Variants in GRIK4 observed in about 807,000 individuals in gnomAD.
GRIK4 encodes glutamate receptor ionotropic, kainate 4.
In GRIK4, 40 loss-of-function variants were observed where a neutral mutation model predicts 104.9. The ratio of observed to expected loss-of-function variants is 0.38; its 90% CI spans 0.30 to 0.50. GRIK4 has a LOEUF of 0.50. Ranked by LOEUF, GRIK4 falls within the 20% of genes least tolerant of loss-of-function variation. The pLI is 0.93. For synonymous variants in GRIK4, 485 were observed against 524.9 expected (o/e 0.92, Z 1.04); for missense variants, 1,047 against 1,308.1 (o/e 0.80, Z 3.08).
In GRIK4 at chr11:120,722,765, C is replaced by T. The variant is rs189162450; in HGVS notation, c.82+62365C>T. On this transcript the variant is annotated intron_variant, in intron 3 of 20. Transcript: ENST00000527524. ...CCCTGGCTACACGTTGCTCTTCCTT[C>T]ATTTGCATGTATACCAAGTGTCCTC... is the stretch of plus-strand genomic sequence containing the variant. Among the ~76,000 whole-genome samples the T allele has an allele frequency of 3.2e-3, 494 of 152,350 alleles. 4 individuals carry two copies. Among genetic ancestry groups the T allele is most frequent in the African/African-American group, 0.011 (450 of 41,590 alleles).
intron 3 of GRIK4, among the ~76,000 whole-genome samples, chr11:120,732,323 CG>C (rs1565320308): frequency 6.6e-6 from 1 of 151,996 alleles, no homozygotes; most frequent in African/African-American, 2.4e-5. Context: ...TTAGTAGAGA[CG>C]GGGTTTCACC....
At chr11:120,904,236 C>T (rs1357989177) in intron 12 of GRIK4, among the ~76,000 whole-genome samples, 4 of 152,158 alleles carry the variant, frequency 2.6e-5, no homozygotes, top group Non-Finnish European at 5.9e-5. Flanking sequence ...GTCACTTCTG[C>T]CTGCGTAGCC....
rs775595747 is a variant in GRIK4, at chr11:120,602,694, G to A, written c.-158-50991G>A. On this transcript the variant is annotated intron_variant, in intron 1 of 20. Coordinates refer to ENST00000527524, the MANE Select transcript of GRIK4 (RefSeq NM_014619.5). ...GCCTTAGTTTTCTGGCTGCATTTTC[G>A]TTAGTATCTTCTTCTTATTAGCATT... 5.9e-5 allele frequency among the ~76,000 whole-genome samples: 9 copies of A among 152,218 alleles called. No homozygotes were observed. In the South Asian group the frequency reaches 8.3e-4, roughly 14 times the overall value.
rs1436298197 is a variant in GRIK4 at position 120,961,040 on chromosome 11, C to T, written c.2006C>T (p.Thr669Ile). ...GACCAGACCGCCATTGAATATGGCACAATTCACGGAGGCTCCAGCATGACC... is the reference window on the plus strand; with the variant it reads ...GACCAGACCGCCATTGAATATGGCATAATTCACGGAGGCTCCAGCATGACC... Reference protein sequence around the residue: ...LADQTAIEYGTIHGGSSMTFF... With the variant: ...LADQTAIEYGIIHGGSSMTFF... Residue 669 changes from threonine (T) to isoleucine (I), a missense_variant, in exon 17 of 21, where the codon ACA (threonine) becomes ATA (isoleucine). Physicochemically the swap from Thr to Ile is moderately conservative, Grantham distance 89. Coordinates refer to ENST00000527524, the MANE Select transcript of GRIK4 (RefSeq NM_014619.5). 6.2e-7 allele frequency: 1 copy of T among 1,614,128 alleles called. No homozygotes were observed. Among genetic ancestry groups the T allele is most frequent in the Non-Finnish European group, 8.5e-7 (1 of 1,179,982 alleles).
chr11:120,739,964 C>T (rs1951298176), intron 3 of GRIK4, among the ~76,000 whole-genome samples: 1 of 152,172 alleles, frequency 6.6e-6, no homozygotes, highest in Admixed American at 6.5e-5. Context: ...AGCCAGCTGA[C>T]CTCACATGCC....
rs114316128 is a variant in GRIK4 at position 120,531,209 on chromosome 11, T to C, written c.-159+19322T>C. On this transcript the variant is annotated intron_variant, in intron 1 of 20. Coordinates refer to ENST00000527524, the MANE Select transcript of GRIK4 (RefSeq NM_014619.5). ...TGGATTTGCGATTCTTATGTGTAAA[T>C]GCTACCCTACAACCTCTTTCATAAT... Among the ~76,000 whole-genome samples the C allele has an allele frequency of 4.8e-3, 731 of 152,378 alleles. 6 individuals carry two copies. The highest frequency in any genetic ancestry group is 0.016 in the African/African-American group (664 of 41,588).
At position 120,639,929 on chromosome 11, in the gene GRIK4, G is replaced by A. The variant is rs562279965; in HGVS notation, c.-158-13756G>A. ...GCTGCTGTGGAGCCATCTTTGACCCGGATCCTATTCCCCCAGGGCAGCACC... is the reference window on the plus strand; with the variant it reads ...GCTGCTGTGGAGCCATCTTTGACCCAGATCCTATTCCCCCAGGGCAGCACC... On this transcript the variant is annotated intron_variant, in intron 1 of 20. Coordinates refer to ENST00000527524, the MANE Select transcript of GRIK4 (RefSeq NM_014619.5). Among the ~76,000 whole-genome samples, 23 of 152,140 alleles carry A rather than the reference G, an allele frequency of 1.5e-4. No homozygotes were observed. The South Asian group carries it at 2.1e-3, about 14-fold the overall frequency.
intron 1 of GRIK4, among the ~76,000 whole-genome samples, chr11:120,597,087 G>C (rs1948812281): frequency 6.6e-6 from 1 of 152,220 alleles, no homozygotes. Context: ...AGCACTGGGG[G>C]CCTCAGGACC....
At chr11:120,620,043 C>T (rs1331811575) in intron 1 of GRIK4, 20 of 622,808 alleles carry the variant, frequency 3.2e-5, no homozygotes, top group South Asian at 1.4e-4. Context: ...GTGTAAAATA[C>T]GTGCATACTT....
At chr11:120,564,066 G>T (rs573407428) in intron 1 of GRIK4, among the ~76,000 whole-genome samples, 2 of 152,346 alleles carry the variant, frequency 1.3e-5, no homozygotes, top group East Asian at 1.9e-4. Flanking sequence ...AAGTTGGGGT[G>T]GGGGAGGCAA....
intron 1 of GRIK4, among the ~76,000 whole-genome samples, chr11:120,557,496 A>C (rs1046215352): frequency 6.6e-6 from 1 of 152,140 alleles, no homozygotes; most frequent in African/African-American, 2.4e-5. Context: ...TTAATTTTGC[A>C]AGTAAAATTT....
chr11:120,740,981 G>A (rs1472026725), intron 3 of GRIK4, among the ~76,000 whole-genome samples: 2 of 152,158 alleles, frequency 1.3e-5, no homozygotes, highest in Non-Finnish European at 2.9e-5. Flanking sequence ...GCTGGACCAG[G>A]GACCTAAGGG....
intron 9 of GRIK4, among the ~76,000 whole-genome samples, chr11:120,865,856 A>G (rs1954393858): frequency 6.6e-6 from 1 of 152,158 alleles, no homozygotes; most frequent in Non-Finnish European, 1.5e-5. Context: ...TGCAAGCTGT[A>G]CAAGAAGCAT....
intron 1 of GRIK4, among the ~76,000 whole-genome samples, chr11:120,512,330 C>G (rs941722768): frequency 1.3e-5 from 2 of 151,812 alleles, no homozygotes; most frequent in Admixed American, 6.6e-5. Context: ...ACCTCGTCAC[C>G]CTCCGCTTCT....
At chr11:120,581,887 A>G (rs1591712047) in intron 1 of GRIK4, among the ~76,000 whole-genome samples, 2 of 151,692 alleles carry the variant, frequency 1.3e-5, no homozygotes, top group South Asian at 2.1e-4. Context: ...GCTCACTGCA[A>G]GCTCCACCTC....
chr11:120,957,591 A>ATGTGTGTG lies in GRIK4; in HGVS notation c.1874+666_1874+673dup, dbSNP rs72064502. ...TGGGGGCAAAGGAAAGACAAAACAA[A>ATGTGTGTG]TGTGTGTGTGTGTGTGTGTGTGTGT... On this transcript the variant is annotated intron_variant, in intron 16 of 20. Coordinates refer to ENST00000527524, the MANE Select transcript of GRIK4 (RefSeq NM_014619.5). Among the ~76,000 whole-genome samples, 226 of 136,528 alleles carry ATGTGTGTG rather than the reference A, an allele frequency of 1.7e-3. 2 individuals carry two copies. Among genetic ancestry groups the ATGTGTGTG allele is most frequent in the African/African-American group, 4.8e-3 (166 of 34,276 alleles). The allele number at this position is 136,528 out of a possible 152,430, so 89.6% of individuals were successfully genotyped here. A position where few individuals can be genotyped will look rare whatever the true frequency, so the allele number is the denominator to read the frequency against.
chr11:120,577,311 T>C (rs538442751), intron 1 of GRIK4, among the ~76,000 whole-genome samples: 42 of 151,496 alleles, frequency 2.8e-4, no homozygotes, highest in Middle Eastern at 3.4e-3. Flanking sequence ...AGGGGGTGAG[T>C]GGACTGTGGC....
chr11:120,598,999 A>C, intron 1 of GRIK4, among the ~76,000 whole-genome samples: 1 of 152,344 alleles, frequency 6.6e-6, no homozygotes. Context: ...TGCAGGAACG[A>C]GGAAGGCTTT....
Position 120,962,634 on chromosome 11 carries a change from T to C in GRIK4, c.2219T>C (p.Ile740Thr), listed in dbSNP as rs750224733. The C allele has an allele frequency of 2.0e-5, 33 of 1,613,958 alleles. No individual in the cohort carries two copies. Among genetic ancestry groups the C allele is most frequent in the Non-Finnish European group, 2.5e-5 (29 of 1,180,010 alleles). ...CAGCGAAACTGCAACCTCACTCAGA[T>C]TGGGGGCCTGCTGGACACCAAGGGC... ...YRQRNCNLTQ[I>T]GGLLDTKGYG... The change falls in exon 18 of 21, where the codon ATT becomes ACT. Residue 740 changes from isoleucine (I) to threonine (T), a missense_variant. Physicochemically the swap from Ile to Thr is moderately conservative, Grantham distance 89. This residue lies in a region of GRIK4 where 440 missense variants were observed against 652.3 expected (regional missense o/e 0.67). Coordinates refer to ENST00000527524, the MANE Select transcript of GRIK4 (RefSeq NM_014619.5).
Sources: allele counts gnomAD v4.1 joint callset (sites outside exome capture counted in the v4.1 genomes callset), GRCh38; gene constraint gnomAD v4.1.1; regional missense constraint gnomAD v4.1.1; transcripts MANE v1.5; gene names NCBI Gene and HGNC (gene_info 2026-07-23, HGNC 2026-07-21).